ST6GALNAC3: variants seen among roughly 807,000 people sequenced by gnomAD.
ST6GALNAC3 encodes the protein ST6 N-acetylgalactosaminide alpha-2,6-sialyltransferase 3.
In ST6GALNAC3, 25 loss-of-function variants were observed where a neutral mutation model predicts 32.7. That is an observed-to-expected ratio of 0.76 (90% confidence interval 0.56 to 1.07). The LOEUF is 1.07. ST6GALNAC3 is among the 50% of genes least tolerant of loss of function. ST6GALNAC3 has a pLI of 0.00. For missense variants in ST6GALNAC3, 355 were observed against 382.4 expected (o/e 0.93, Z 0.60); for synonymous variants, 129 against 133.1 (o/e 0.97, Z 0.21).
At chr1:76,379,904 G>C (rs182028265) in intron 2 of ST6GALNAC3, among the ~76,000 whole-genome samples, 1 of 152,250 alleles carries the variant, frequency 6.6e-6, no homozygotes, top group East Asian at 1.9e-4. Flanking sequence ...GAAACAGGAG[G>C]ACCATAGAGC....
chr1:76,090,907 A>C (rs375797598), intron 1 of ST6GALNAC3, among the ~76,000 whole-genome samples: 12 of 152,186 alleles, frequency 7.9e-5, no homozygotes, highest in East Asian at 1.9e-4. Flanking sequence ...GGAGTAGAAT[A>C]TTCTTCTATT....
At chr1:76,552,717 C>T (rs1664708071) in intron 3 of ST6GALNAC3, among the ~76,000 whole-genome samples, 4 of 152,012 alleles carry the variant, frequency 2.6e-5, no homozygotes, top group Admixed American at 2.0e-4. Context: ...TAATATGTGC[C>T]TCATATTTAT....
At chr1:76,308,093 T>C (rs189813924) in intron 1 of ST6GALNAC3, among the ~76,000 whole-genome samples, 1 of 152,212 alleles carries the variant, frequency 6.6e-6, no homozygotes, top group East Asian at 1.9e-4. Flanking sequence ...TCAGATCTAT[T>C]TGGGCACAGT....
chr1:76,302,296 T>A (rs1234512396), intron 1 of ST6GALNAC3, among the ~76,000 whole-genome samples: 1 of 151,972 alleles, frequency 6.6e-6, no homozygotes, highest in African/African-American at 2.4e-5. Flanking sequence ...GGTGTTTTGT[T>A]TGTTTGTTTT....
intron 1 of ST6GALNAC3, among the ~76,000 whole-genome samples, chr1:76,119,509 A>G (rs781729401): frequency 1.3e-5 from 2 of 152,170 alleles, no homozygotes; most frequent in Non-Finnish European, 2.9e-5. Flanking sequence ...GAGTTCTAGG[A>G]GTTGAGTTAT....
intron 1 of ST6GALNAC3, among the ~76,000 whole-genome samples, chr1:76,134,580 C>T (rs961130820): frequency 4.6e-5 from 7 of 152,164 alleles, no homozygotes; most frequent in African/African-American, 1.7e-4. Context: ...TCAGATGTCC[C>T]TTTTCCCTCA....
chr1:76,626,288 A>G (rs142384857), intron 3 of ST6GALNAC3, among the ~76,000 whole-genome samples: 2 of 151,906 alleles, frequency 1.3e-5, no homozygotes, highest in African/African-American at 2.4e-5. Context: ...CAAGAAGTCT[A>G]TATGGAAGAT....
intron 1 of ST6GALNAC3, among the ~76,000 whole-genome samples, chr1:76,119,075 C>T (rs1648682728): frequency 6.6e-6 from 1 of 152,206 alleles, no homozygotes; most frequent in South Asian, 2.1e-4. Context: ...CCCACCACGA[C>T]CTCCCAAAGT....
Position 76,141,620 on chromosome 1 carries a change from A to T in ST6GALNAC3, c.18+66736A>T, listed in dbSNP as rs117681952. 1.4e-4 allele frequency among the ~76,000 whole-genome samples: 21 copies of T among 152,322 alleles called. No homozygotes were observed. In the East Asian group the frequency reaches 3.9e-3, roughly 28 times the overall value. On this transcript the variant is annotated intron_variant, in intron 1 of 4. Coordinates refer to ENST00000328299, the MANE Select transcript of ST6GALNAC3 (RefSeq NM_152996.4). ...CTTATAGCAAAAAAAGCATGTACAGATGGATTTTTGCCATTTAAATCATTC... is the reference window on the plus strand; with the variant it reads ...CTTATAGCAAAAAAAGCATGTACAGTTGGATTTTTGCCATTTAAATCATTC...
chr1:76,096,612 AAATT>A (rs1360985080), intron 1 of ST6GALNAC3, among the ~76,000 whole-genome samples: 1 of 151,120 alleles, frequency 6.6e-6, no homozygotes, highest in Non-Finnish European at 1.5e-5. Flanking sequence ...TTTTATAAAT[AAATT>A]AATAATGAAG....
At chr1:76,341,852 C>T (rs1219521308) in intron 2 of ST6GALNAC3, among the ~76,000 whole-genome samples, 1 of 151,880 alleles carries the variant, frequency 6.6e-6, no homozygotes, top group Non-Finnish European at 1.5e-5. Context: ...AATAGTATCC[C>T]TCCCCTATCC....
chr1:76,182,612 A>G (rs1298885455), intron 1 of ST6GALNAC3, among the ~76,000 whole-genome samples: 1 of 152,142 alleles, frequency 6.6e-6, no homozygotes, highest in Non-Finnish European at 1.5e-5. Flanking sequence ...ATTAAAAAGT[A>G]AATTTTGATG....
chr1:76,549,685 G>T lies in ST6GALNAC3; in HGVS notation c.624-77767G>T, dbSNP rs1170557246. 3.3e-5 allele frequency among the ~76,000 whole-genome samples: 5 copies of T among 151,994 alleles called. No individual in the cohort carries two copies. In the East Asian group the frequency reaches 7.7e-4, roughly 23 times the overall value. On this transcript the variant is annotated intron_variant, in intron 3 of 4. Transcript: ENST00000328299. ...ATTTTTTTTTGTCACACATGTGAGGGTTTCTTAGTCTAAGATATATACCTA... is the reference window on the plus strand; with the variant it reads ...ATTTTTTTTTGTCACACATGTGAGGTTTTCTTAGTCTAAGATATATACCTA...
chr1:76,444,537 G>A (rs138160935), intron 3 of ST6GALNAC3, among the ~76,000 whole-genome samples: 1 of 152,278 alleles, frequency 6.6e-6, no homozygotes, highest in East Asian at 1.9e-4. Context: ...AAACTAACTG[G>A]CCAACTTGTA....
At chr1:76,500,309 T>C (rs932528715) in intron 3 of ST6GALNAC3, among the ~76,000 whole-genome samples, 5 of 152,280 alleles carry the variant, frequency 3.3e-5, no homozygotes, top group African/African-American at 1.2e-4. Flanking sequence ...TCAGAGTACA[T>C]TTTCCTTATT....
chr1:76,384,953 T>C (rs531416940), intron 2 of ST6GALNAC3, among the ~76,000 whole-genome samples: 1 of 152,264 alleles, frequency 6.6e-6, no homozygotes, highest in Non-Finnish European at 1.5e-5. Flanking sequence ...ATGCACAGCA[T>C]GCATGAATCT....
In ST6GALNAC3 at chr1:76,514,453, T is replaced by G. The variant is rs193243665; in HGVS notation, c.623+102036T>G. ...GGCAGCACTGGAAAGTGGGGCCTAG[T>G]GGTAGGGGTGTTTTGGTTATGGGAC... On this transcript the variant is annotated intron_variant, in intron 3 of 4. Coordinates refer to ENST00000328299, the MANE Select transcript of ST6GALNAC3 (RefSeq NM_152996.4). Among the ~76,000 whole-genome samples, 5 of 152,212 alleles carry G rather than the reference T, an allele frequency of 3.3e-5. No individual in the cohort carries two copies. In the East Asian group the frequency reaches 9.7e-4, roughly 29 times the overall value.
chr1:76,207,459 A>G (rs1023711496), intron 1 of ST6GALNAC3, among the ~76,000 whole-genome samples: 2 of 152,236 alleles, frequency 1.3e-5, no homozygotes, highest in African/African-American at 4.8e-5. Flanking sequence ...TGGGTAGTTT[A>G]TCAAGACAAG....
At chr1:76,537,104 C>G (rs544454720) in intron 3 of ST6GALNAC3, among the ~76,000 whole-genome samples, 2 of 152,266 alleles carry the variant, frequency 1.3e-5, no homozygotes, top group East Asian at 3.9e-4. Context: ...CACTCTGCAA[C>G]AAATGCAAAA....
Sources: gnomAD v4.1 joint callset for allele counts (sites outside exome capture counted in the v4.1 genomes callset) on GRCh38, gnomAD v4.1.1 for gene constraint, MANE v1.5 for transcripts, NCBI Gene and HGNC (gene_info 2026-07-23, HGNC 2026-07-21) for gene names.